PDC: variants seen among roughly 807,000 people sequenced by gnomAD.
The protein encoded by PDC is phosducin.
Under a neutral mutation model 22.2 loss-of-function variants are expected in PDC, and 19 were observed. The observed-to-expected ratio is 0.86, with a 90% CI of 0.60 to 1.26. PDC has a LOEUF of 1.26. Among genes scored for constraint, PDC ranks in the 50% most tolerant of loss-of-function variants. PDC has a pLI of 0.00. For synonymous variants in PDC, 97 were observed against 96.2 expected (o/e 1.01, Z -0.05); for missense variants, 274 against 286.8 (o/e 0.96, Z 0.32).
Position 186,443,856 on chromosome 1 carries a change from G to T in PDC, c.*123C>A. 1.4e-6 allele frequency: 1 copy of T among 694,498 alleles called. No homozygotes were observed. The highest frequency in any genetic ancestry group is 2.5e-6 in the Non-Finnish European group (1 of 397,012). 43.0% of individuals were successfully genotyped at this position (694,498 alleles called of 1,614,324 possible). ...TGCTAATAACTCGATTGTTGCATCA[G>T]TCATTTTTGTCAAGTTAGCATAGCC... On this transcript the variant is annotated 3_prime_UTR_variant, in exon 4 of 4. Transcript: ENST00000391997.
chr1:186,461,109 T>C lies in PDC; in HGVS notation c.-75A>G, dbSNP rs1662573514. On this transcript the variant is annotated 5_prime_UTR_variant, in exon 1 of 4. Transcript: ENST00000391997. ...CTTGTTGAGTGGGTGAGAATCCCTG[T>C]CTACTGAACTCGTCTTGAACTTCAA... The C allele has an allele frequency of 6.5e-6, 1 of 154,814 alleles. No homozygotes were observed. The highest frequency in any genetic ancestry group is 2.4e-5 in the African/African-American group (1 of 41,516). 9.6% of individuals were successfully genotyped at this position (154,814 alleles called of 1,614,324 possible). A position where few individuals can be genotyped will look rare whatever the true frequency, so the allele number is the denominator to read the frequency against.
chr1:186,456,874 C>T (rs1662482915), intron 1 of PDC, among the ~76,000 whole-genome samples: 1 of 152,148 alleles, frequency 6.6e-6, no homozygotes, highest in African/African-American at 2.4e-5. Context: ...ATCTTGAAGG[C>T]ACTACCTGGC....
chr1:186,445,291 A>G lies in PDC; in HGVS notation c.214-785T>C, dbSNP rs116272398. 6.7e-3 allele frequency among the ~76,000 whole-genome samples: 1,018 copies of G among 152,302 alleles called. 14 individuals are homozygous for G. Among genetic ancestry groups the G allele is most frequent in the African/African-American group, 0.022 (912 of 41,558 alleles). ...GGAGAATTGAGAACACGTGAAACTAATGTTTATGAAAAACATACCAGGTGT... is the reference window on the plus strand; with the variant it reads ...GGAGAATTGAGAACACGTGAAACTAGTGTTTATGAAAAACATACCAGGTGT... On this transcript the variant is annotated intron_variant, in intron 3 of 3. Coordinates refer to ENST00000391997, the MANE Select transcript of PDC (RefSeq NM_002597.5).
chr1:186,453,698 G>A (rs545678390), intron 1 of PDC, among the ~76,000 whole-genome samples: 2 of 152,160 alleles, frequency 1.3e-5, no homozygotes, highest in Non-Finnish European at 2.9e-5. Flanking sequence ...TCTTATAATC[G>A]TTTCATACAT....
At chr1:186,454,414 C>T (rs1033502931) in intron 1 of PDC, among the ~76,000 whole-genome samples, 7 of 151,798 alleles carry the variant, frequency 4.6e-5, no homozygotes, top group South Asian at 2.1e-4. Context: ...CCTGACCTTG[C>T]GATCCACCCT....
At chr1:186,449,920 T>C (rs1007035396) in intron 1 of PDC, among the ~76,000 whole-genome samples, 1 of 152,206 alleles carries the variant, frequency 6.6e-6, no homozygotes, top group Non-Finnish European at 1.5e-5. Flanking sequence ...GAACACTATG[T>C]GTCAGGCATT....
At chr1:186,460,094 C>CAAA in intron 1 of PDC, among the ~76,000 whole-genome samples, 1 of 152,088 alleles carries the variant, frequency 6.6e-6, no homozygotes, top group East Asian at 1.9e-4. Context: ...AAACCACCGC[C>CAAA]ACAACAACAT....
At chr1:186,460,667 A>G (rs1662564119) in intron 1 of PDC, among the ~76,000 whole-genome samples, 1 of 152,176 alleles carries the variant, frequency 6.6e-6, no homozygotes, top group Non-Finnish European at 1.5e-5. Context: ...AGGGGCAACT[A>G]CCGCACTCCT....
chr1:186,445,353 C>G (rs1662204628), intron 3 of PDC, among the ~76,000 whole-genome samples: 1 of 152,198 alleles, frequency 6.6e-6, no homozygotes, highest in Admixed American at 6.5e-5. Flanking sequence ...CTAATCCTTA[C>G]AGATAACCTC....
At chr1:186,446,329 G>A (rs1662226599) in intron 3 of PDC, 97 bp downstream of exon 3, 2 of 913,414 alleles carry the variant, frequency 2.2e-6, no homozygotes, top group South Asian at 2.4e-5. Context: ...ATATTGTAAT[G>A]AATATATTTT....
intron 1 of PDC, among the ~76,000 whole-genome samples, chr1:186,458,646 G>C (rs1384153780): frequency 6.6e-6 from 1 of 151,416 alleles, no homozygotes; most frequent in East Asian, 1.9e-4. Flanking sequence ...AGTCCCCACA[G>C]GGTCATTTAA....
intron 1 of PDC, among the ~76,000 whole-genome samples, chr1:186,455,797 TAAA>T (rs71104862): frequency 1.8e-4 from 7 of 39,368 alleles, no homozygotes; most frequent in Admixed American, 1.3e-3. Flanking sequence ...CCGTCTCTAC[TAAA>T]AAAAAAAAAA....
intron 1 of PDC, among the ~76,000 whole-genome samples, chr1:186,459,891 A>G (rs1662546579): frequency 1.3e-5 from 2 of 149,176 alleles, no homozygotes; most frequent in African/African-American, 4.9e-5. Context: ...GTTTATTAGT[A>G]ATAATAATAA....
In PDC at chr1:186,444,339, A is replaced by C; in HGVS notation, c.381T>G (p.Ile127Met). ...LETGKQFLET[I>M]EKELKITTIV... ...TTGTGGTGATCTTCAGTTCCTTTTC[A>C]ATTGTTTCTAGGAATTGCTTTCCAG... Residue 127 changes from isoleucine (I) to methionine (M), a missense_variant, in exon 4 of 4, where the codon ATT (isoleucine) becomes ATG (methionine). By Grantham distance (10) the Ile-to-Met change is conservative. Transcript: ENST00000391997. The C allele has an allele frequency of 6.2e-7, 1 of 1,614,046 alleles. No individual in the cohort carries two copies. Among genetic ancestry groups the C allele is most frequent in the Non-Finnish European group, 8.5e-7 (1 of 1,179,958 alleles).
At chr1:186,454,076 C>T (rs1662403627) in intron 1 of PDC, among the ~76,000 whole-genome samples, 1 of 151,092 alleles carries the variant, frequency 6.6e-6, no homozygotes, top group Admixed American at 6.6e-5. Context: ...TGAGACAGTA[C>T]TTATTTGAAT....
intron 1 of PDC, among the ~76,000 whole-genome samples, chr1:186,450,185 G>A (rs1662321561): frequency 6.6e-6 from 1 of 152,140 alleles, no homozygotes; most frequent in Non-Finnish European, 1.5e-5. Context: ...GTATGATTTG[G>A]CAAATCAAAT....
chr1:186,461,005 C>G (rs1331624045), intron 1 of PDC, 54 bp downstream of exon 1: 1 of 154,520 alleles, frequency 6.5e-6, no homozygotes, highest in Non-Finnish European at 1.5e-5. Flanking sequence ...CATTCTTTCC[C>G]CTAAGGTAAA....
intron 1 of PDC, among the ~76,000 whole-genome samples, chr1:186,450,544 G>T (rs1408352505): frequency 6.6e-6 from 1 of 151,846 alleles, no homozygotes; most frequent in African/African-American, 2.4e-5. Flanking sequence ...TGTTGCCCAG[G>T]CTAGTGTTGA....
chr1:186,448,367 A>G (rs553869371), intron 2 of PDC, among the ~76,000 whole-genome samples: 121 of 152,014 alleles, frequency 8.0e-4, no homozygotes, highest in Middle Eastern at 6.8e-3. Flanking sequence ...AGTCTGTCCT[A>G]TCTTTTGCTC....
Sources: allele counts gnomAD v4.1 joint callset (sites outside exome capture counted in the v4.1 genomes callset), GRCh38; gene constraint gnomAD v4.1.1; transcripts MANE v1.5; gene names NCBI Gene and HGNC (gene_info 2026-07-23, HGNC 2026-07-21).